MROH2B: variants seen among roughly 807,000 people sequenced by gnomAD.
MROH2B encodes maestro heat-like repeat-containing protein family member 2B.
MROH2B carries 177 observed loss-of-function variants against 208.6 expected under a neutral mutation model. The observed-to-expected ratio is 0.85, with a 90% CI of 0.75 to 0.96. The LOEUF is 0.96. Ranked by LOEUF, MROH2B falls within the 40% of genes least tolerant of loss-of-function variation. The probability of loss-of-function intolerance (pLI) is 0.00; values close to 1 mark genes in which losing one functional copy is unlikely to be tolerated. For synonymous variants in MROH2B, 728 were observed against 659.0 expected, an observed-to-expected ratio of 1.10 and a Z score of -1.60; for missense variants, 2,002 against 1,878.7, an observed-to-expected ratio of 1.07 and a Z score of -1.21.
intron 28 of MROH2B, among the ~76,000 whole-genome samples, chr5:41,016,498 G>GTTTTTTTTTTTTTTTTTTTTT (rs10689623): frequency 1.2e-5 from 1 of 80,778 alleles, no homozygotes. Flanking sequence ...CTACTGTAAT[G>GTTTTTTTTTTTTTTTTTTTTT]TTTTTTTTTT....
chr5:41,058,249 T>C, intron 6 of MROH2B, 46 bp from the exon 7 acceptor site: 1 of 1,423,562 alleles, frequency 7.0e-7, no homozygotes, highest in South Asian at 1.7e-5. Flanking sequence ...TTCCTTATGT[T>C]TTTCATAGGT....
At position 40,998,690 on chromosome 5, in the gene MROH2B, G is replaced by T; in HGVS notation, c.4586-13C>A. The T allele has an allele frequency of 6.4e-7, 1 of 1,569,212 alleles. No homozygotes were observed. Among genetic ancestry groups the T allele is most frequent in the East Asian group, 2.3e-5 (1 of 43,348 alleles). On this transcript the variant is annotated splice_polypyrimidine_tract_variant and intron_variant, in intron 40 of 41. Transcript: ENST00000399564. Reference sequence around the variant, plus strand: ...AGAACAACGGCATCTAAAGTTAATAGGAGACCATGTTACTGATTTCATTAT... The same window carrying T: ...AGAACAACGGCATCTAAAGTTAATATGAGACCATGTTACTGATTTCATTAT...
intron 5 of MROH2B, 142 bp from the exon 6 acceptor site, chr5:41,061,866 T>A: frequency 1.2e-6 from 1 of 864,944 alleles, no homozygotes; most frequent in Non-Finnish European, 1.7e-6. Flanking sequence ...AATACACATA[T>A]AGAAAGTGCT....
At chr5:41,057,402 G>C in intron 7 of MROH2B, 42 bp from the exon 8 acceptor site, 2 of 1,448,932 alleles carry the variant, frequency 1.4e-6, no homozygotes, top group South Asian at 2.5e-5. Flanking sequence ...GGCTGCCAGG[G>C]AAGCAGCTGC....
At position 41,048,475 on chromosome 5, in the gene MROH2B, A is replaced by G. The variant is rs573124010; in HGVS notation, c.1543-10T>C. 67 of 1,596,802 alleles carry G rather than the reference A, an allele frequency of 4.2e-5. No homozygotes were observed. The South Asian group carries it at 7.4e-4, about 18-fold the overall frequency. On this transcript the variant is annotated splice_polypyrimidine_tract_variant and intron_variant, in intron 15 of 41. Transcript: ENST00000399564. The stretch of plus-strand genomic sequence containing the variant: ...CAGGCATAGATATTACCTGAAGGAT[A>G]GAAGAGAAGGAGCTCATCAATTTCA...
chr5:41,005,416 C>CG lies in MROH2B; in HGVS notation c.3864+114_3864+115insC, dbSNP rs914132991. 9.0e-5 allele frequency: 17 copies of CG among 188,518 alleles called. 1 individual carries two copies. Among genetic ancestry groups the CG allele is most frequent in the African/African-American group, 5.0e-4 (13 of 26,094 alleles). The allele number at this position is 188,518 out of a possible 1,614,324, so 11.7% of individuals were successfully genotyped here. On this transcript the variant is annotated intron_variant, in intron 35 of 41. Transcript: ENST00000399564. ...TAGCTGGTCTCTCCTCTATGAAACC[C>CG]CCCCCCCCCTTGAAGTCTCTCTTCC...
Position 41,023,139 on chromosome 5 carries a change from C to T in MROH2B, c.2442-4121G>A, listed in dbSNP as rs190009277. 2.0e-4 allele frequency among the ~76,000 whole-genome samples: 30 copies of T among 152,280 alleles called. No individual in the cohort carries two copies. The East Asian group carries it at 5.8e-3, about 29-fold the overall frequency. On this transcript the variant is annotated intron_variant, in intron 24 of 41. Coordinates refer to ENST00000399564, the MANE Select transcript of MROH2B (RefSeq NM_173489.5). ...AAAATTCTAAAAATCAGAGCGCTCT[C>T]CCCCTCCAAAGGAAAGCAGCTCCTC...
chr5:41,026,140 T>C (rs4957147), intron 24 of MROH2B, among the ~76,000 whole-genome samples: 91,750 of 152,018 alleles, frequency 0.6, 28,199 homozygotes, highest in Non-Finnish European at 0.66. Context: ...CAGGGATGCC[T>C]TCTCTCACCA....
chr5:41,065,407 T>C lies in MROH2B; in HGVS notation c.285A>G (p.Val95=). The C allele has an allele frequency of 3.1e-6, 5 of 1,613,538 alleles. No individual in the cohort carries two copies. Among genetic ancestry groups the C allele is most frequent in the Non-Finnish European group, 4.2e-6 (5 of 1,179,604 alleles). The change falls in exon 4 of 42, where the codon GTA becomes GTG. Residue 95 remains valine (V), a synonymous_variant. Transcript: ENST00000399564. ...AHDFNSVMYE[V]QSNFRILELP... ...GCTCTAAGATCCTGAAGTTACTTTG[T>C]ACTTCATACATCACAGAGTTGAAAT...
rs768814591 is a variant in MROH2B at position 41,038,737 on chromosome 5, TGA to T, written c.2211_2212del (p.Gln738GlyfsTer23). 1 of 1,609,188 alleles carries T rather than the reference TGA, an allele frequency of 6.2e-7. No individual in the cohort carries two copies. ...AGGCAGCCATGCAACGGGCATTACC[TGA>T]GAGCACTGGCCATGAAGAGACAGGA... On this transcript the variant is annotated frameshift_variant and splice_region_variant, in exon 21 of 42. Coordinates refer to ENST00000399564, the MANE Select transcript of MROH2B (RefSeq NM_173489.5). LOFTEE classifies it high-confidence loss of function.
chr5:41,023,271 C>T (rs13189194), intron 24 of MROH2B, among the ~76,000 whole-genome samples: 7 of 151,702 alleles, frequency 4.6e-5, no homozygotes, highest in Non-Finnish European at 7.4e-5. Flanking sequence ...TCGAACCCAT[C>T]GCAAGGAAGC....
intron 24 of MROH2B, among the ~76,000 whole-genome samples, chr5:41,027,281 T>A (rs1442939230): frequency 6.6e-6 from 1 of 152,144 alleles, no homozygotes; most frequent in Non-Finnish European, 1.5e-5. Context: ...ATTTTTGCAA[T>A]CTACTCATCT....
At chr5:40,998,426 T>G (rs1741278412) in intron 41 of MROH2B, among the ~76,000 whole-genome samples, 186 bp downstream of exon 41, 2 of 152,202 alleles carry the variant, frequency 1.3e-5, no homozygotes, top group Admixed American at 6.5e-5. Flanking sequence ...TTCTGATGCC[T>G]GCAAAGGGCT....
intron 29 of MROH2B, 44 bp from the exon 30 acceptor site, chr5:41,012,779 T>G (rs779970647): frequency 1.9e-6 from 3 of 1,607,640 alleles, no homozygotes; most frequent in Non-Finnish European, 8.5e-7. Flanking sequence ...ACCACCCCAT[T>G]TTATATCTAG....
intron 19 of MROH2B, among the ~76,000 whole-genome samples, chr5:41,040,071 G>A (rs904592540): frequency 1.3e-5 from 2 of 152,168 alleles, no homozygotes; most frequent in Non-Finnish European, 2.9e-5. Flanking sequence ...ACAGGAGGTG[G>A]CGGGTTCATT....
Position 41,057,305 on chromosome 5 carries a change from C to T in MROH2B, c.812G>A (p.Ser271Asn), listed in dbSNP as rs78281607. ...AVLYDIGLPR[S>N]LRRSIFINLL... The stretch of plus-strand genomic sequence containing the variant: ...ATTGATAAAGATGGATCTTCTCAAG[C>T]TCCTTGGAAGGCCAATGTCATAAAG... The change falls in exon 8 of 42, where the codon AGC (serine) becomes AAC (asparagine). Residue 271 changes from serine to asparagine, a missense_variant. By Grantham distance (46) the Ser-to-Asn change is conservative. Coordinates refer to ENST00000399564, the MANE Select transcript of MROH2B (RefSeq NM_173489.5). 1.3e-6 allele frequency: 2 copies of T among 1,595,452 alleles called. No homozygotes were observed. The highest frequency in any genetic ancestry group is 1.1e-5 in the South Asian group (1 of 88,068).
Position 41,054,854 on chromosome 5 carries a change from G to C in MROH2B, c.1034-14C>G. 1.3e-6 allele frequency: 2 copies of C among 1,598,122 alleles called. No individual in the cohort carries two copies. The highest frequency in any genetic ancestry group is 1.7e-6 in the Non-Finnish European group (2 of 1,169,668). ...TCAACCTGGGCTCTGAAAGACAGAG[G>C]GAGAAATTGAGAGGCCTGACTCAAT... On this transcript the variant is annotated splice_polypyrimidine_tract_variant and intron_variant, in intron 10 of 41. Transcript: ENST00000399564.
At chr5:41,009,129 A>T in intron 32 of MROH2B, 151 bp downstream of exon 32, 1 of 1,112,754 alleles carries the variant, frequency 9.0e-7, no homozygotes. Flanking sequence ...CCACAGACAA[A>T]AGTAGAGCCA....
At chr5:41,027,252 A>G (rs1742398203) in intron 24 of MROH2B, among the ~76,000 whole-genome samples, 1 of 152,208 alleles carries the variant, frequency 6.6e-6, no homozygotes, top group South Asian at 2.1e-4. Context: ...TGAACAGACA[A>G]CCTACAAAAT....
Sources: allele counts gnomAD v4.1 joint callset (sites outside exome capture counted in the v4.1 genomes callset), GRCh38; gene constraint gnomAD v4.1.1; transcripts MANE v1.5; gene names NCBI Gene and HGNC (gene_info 2026-07-23, HGNC 2026-07-21).